Variants in ALKBH8 observed in about 807,000 individuals in gnomAD.
ALKBH8 encodes alkB homolog 8, tRNA methyltransferase.
A neutral mutation model predicts 59.8 loss-of-function variants in ALKBH8; 36 were observed. That is an observed-to-expected ratio of 0.60 (90% CI 0.46 to 0.79). The LOEUF is 0.79. ALKBH8 is among the 30% of genes least tolerant of loss of function. The pLI is 0.00. For missense variants in ALKBH8, 768 were observed against 801.0 expected, an observed-to-expected ratio of 0.96 and a Z score of 0.50; for synonymous variants, 276 against 273.6, an observed-to-expected ratio of 1.01 and a Z score of -0.09.
rs576564108 is a variant in ALKBH8 at position 107,529,875 on chromosome 11, T to C, written c.878+2425A>G. Among the ~76,000 whole-genome samples, 23 of 152,108 alleles carry C rather than the reference T, an allele frequency of 1.5e-4. No homozygotes were observed. In the South Asian group the frequency reaches 1.7e-3, roughly 11 times the overall value. On this transcript the variant is annotated intron_variant, in intron 8 of 11. Coordinates refer to ENST00000428149, the MANE Select transcript of ALKBH8 (RefSeq NM_138775.3). ...TCATGTAACTCTAAGATAAAAACAA[T>C]AGTACAAGCACAGTGTTAAATGACA...
At chr11:107,512,097 G>A (rs1862653327) in intron 10 of ALKBH8, among the ~76,000 whole-genome samples, 1 of 152,070 alleles carries the variant, frequency 6.6e-6, no homozygotes, top group Admixed American at 6.6e-5. Flanking sequence ...ATCTGGTTCT[G>A]TGAGAAGTTT....
rs572591204 is a variant in ALKBH8 at position 107,510,107 on chromosome 11, G to A, written c.1437+780C>T. ...TTGCTGCAGCCCAGCAGAATCTCTT[G>A]GTTACTATTAAAAGTAAAAAGACTA... On this transcript the variant is annotated intron_variant, in intron 11 of 11. Transcript: ENST00000428149. Among the ~76,000 whole-genome samples the A allele has an allele frequency of 4.6e-5, 7 of 152,126 alleles. No homozygotes were observed. In the East Asian group the frequency reaches 1.4e-3, roughly 29 times the overall value.
chr11:107,518,299 A>C (rs939226595), intron 10 of ALKBH8, among the ~76,000 whole-genome samples: 1 of 152,168 alleles, frequency 6.6e-6, no homozygotes, highest in Non-Finnish European at 1.5e-5. Flanking sequence ...TTATGTATGT[A>C]TGTAGGTATT....
intron 9 of ALKBH8, among the ~76,000 whole-genome samples, chr11:107,523,265 T>A (rs1863202714): frequency 6.6e-6 from 1 of 152,108 alleles, no homozygotes. Context: ...CACAACAGAA[T>A]ACTATTCAGC....
intron 8 of ALKBH8, among the ~76,000 whole-genome samples, chr11:107,526,717 A>G (rs956677524): frequency 6.6e-6 from 1 of 151,946 alleles, no homozygotes; most frequent in Non-Finnish European, 1.5e-5. Context: ...TTGCTTTCAC[A>G]TTTACATCTA....
intron 10 of ALKBH8, among the ~76,000 whole-genome samples, chr11:107,513,622 A>G (rs756782555): frequency 2.0e-5 from 3 of 152,222 alleles, no homozygotes; most frequent in Non-Finnish European, 4.4e-5. Context: ...TCACAATAGT[A>G]ATGACATGGA....
At chr11:107,549,684 G>T in intron 7 of ALKBH8, 69 bp downstream of exon 7, 2 of 1,080,324 alleles carry the variant, frequency 1.9e-6, no homozygotes, top group South Asian at 1.9e-5. Flanking sequence ...TAAGAATGTG[G>T]ATAATCTTTG....
intron 2 of ALKBH8, 52 bp downstream of exon 2, chr11:107,560,713 A>T (rs1864899500): frequency 6.6e-7 from 1 of 1,512,660 alleles, no homozygotes; most frequent in African/African-American, 1.4e-5. Flanking sequence ...AATATAATAC[A>T]TTAACATGTC....
chr11:107,536,082 G>A (rs755793520), intron 7 of ALKBH8, among the ~76,000 whole-genome samples: 2 of 152,134 alleles, frequency 1.3e-5, no homozygotes, highest in Non-Finnish European at 2.9e-5. Context: ...CACAATAAAG[G>A]TGGCCATCTG....
intron 7 of ALKBH8, among the ~76,000 whole-genome samples, chr11:107,542,927 G>C (rs1251399322): frequency 6.6e-6 from 1 of 152,030 alleles, no homozygotes; most frequent in African/African-American, 2.4e-5. Flanking sequence ...AGGAATATTT[G>C]CCATGTTCTG....
rs149550151 is a variant in ALKBH8 at position 107,518,358 on chromosome 11, G to A, written c.1287+3941C>T. ...TCACCCAGGCTGAAGTGCAGTGTGC[G>A]ATTATGGTTCACTGCAGCCCTGAAC... is the stretch of plus-strand genomic sequence containing the variant. On this transcript the variant is annotated intron_variant, in intron 10 of 11. Transcript: ENST00000428149. Among the ~76,000 whole-genome samples, 8 of 152,286 alleles carry A rather than the reference G, an allele frequency of 5.3e-5. No homozygotes were observed. The South Asian group carries it at 1.0e-3, about 20-fold the overall frequency.
At chr11:107,533,129 C>T (rs1443782463) in intron 7 of ALKBH8, among the ~76,000 whole-genome samples, 2 of 151,862 alleles carry the variant, frequency 1.3e-5, no homozygotes, top group African/African-American at 2.4e-5. Flanking sequence ...ACAAAATATC[C>T]AAGAAAATGC....
At chr11:107,560,005 A>G (rs931637240) in intron 2 of ALKBH8, among the ~76,000 whole-genome samples, 1 of 152,206 alleles carries the variant, frequency 6.6e-6, no homozygotes, top group African/African-American at 2.4e-5. Flanking sequence ...ATATTCATGG[A>G]GTAATTTAAT....
chr11:107,562,206 C>T (rs563414840), intron 1 of ALKBH8, among the ~76,000 whole-genome samples: 18 of 150,664 alleles, frequency 1.2e-4, no homozygotes, highest in East Asian at 3.9e-4. Flanking sequence ...GGCTGAGGCA[C>T]GAGAATCGCT....
At chr11:107,510,063 G>A (rs1173207979) in intron 11 of ALKBH8, among the ~76,000 whole-genome samples, 5 of 152,118 alleles carry the variant, frequency 3.3e-5, no homozygotes, top group Admixed American at 6.5e-5. Flanking sequence ...GGCTTTTGCT[G>A]TAAAAAACCT....
intron 7 of ALKBH8, among the ~76,000 whole-genome samples, chr11:107,545,826 C>T (rs1160270639): frequency 3.9e-5 from 6 of 152,042 alleles, no homozygotes; most frequent in Non-Finnish European, 7.4e-5. Context: ...ATGGACTTCC[C>T]GAAATTGATA....
intron 7 of ALKBH8, among the ~76,000 whole-genome samples, chr11:107,534,263 C>T (rs76344774): frequency 0.023 from 3,511 of 152,198 alleles, 152 homozygotes; most frequent in African/African-American, 0.08. Context: ...GCCCACACCT[C>T]GAAAGAATAA....
chr11:107,549,675 A>T, intron 7 of ALKBH8, 78 bp downstream of exon 7: 1 of 1,016,212 alleles, frequency 9.8e-7, no homozygotes. Context: ...CATTTTCATT[A>T]AGAATGTGGA....
chr11:107,559,918 C>T (rs537136221), intron 2 of ALKBH8, among the ~76,000 whole-genome samples: 52 of 152,262 alleles, frequency 3.4e-4, no homozygotes, highest in Middle Eastern at 6.8e-3. Flanking sequence ...ATGTCCACCC[C>T]TCAATTAAAT....
Sources: gnomAD v4.1 joint callset for allele counts (sites outside exome capture counted in the v4.1 genomes callset) on GRCh38, gnomAD v4.1.1 for gene constraint, MANE v1.5 for transcripts, NCBI Gene and HGNC (gene_info 2026-07-23, HGNC 2026-07-21) for gene names.